Variants in SEMA3E observed in about 807,000 individuals in gnomAD.
SEMA3E encodes the protein semaphorin-3E.
In SEMA3E, 49 loss-of-function variants were observed where a neutral mutation model predicts 93.6. That is an observed-to-expected ratio of 0.52 (90% CI 0.42 to 0.66). The LOEUF (loss-of-function observed/expected upper bound fraction) is 0.66, where lower values mean the gene tolerates loss of function less well. Ranked by LOEUF, SEMA3E falls within the 30% of genes least tolerant of loss-of-function variation. The probability of loss-of-function intolerance (pLI) is 0.00; values close to 1 mark genes in which losing one functional copy is unlikely to be tolerated. For missense variants in SEMA3E, 906 were observed against 964.8 expected (o/e 0.94, Z 0.81); for synonymous variants, 363 against 330.7 (o/e 1.10, Z -1.06).
Position 83,386,692 on chromosome 7 carries a change from G to A in SEMA3E, c.1735+291C>T, listed in dbSNP as rs115949501. On this transcript the variant is annotated intron_variant, in intron 15 of 16. Coordinates refer to ENST00000643230, the MANE Select transcript of SEMA3E (RefSeq NM_012431.3). The stretch of plus-strand genomic sequence containing the variant: ...AAAGAGGTAAGTCATAAGAGTCACT[G>A]TGGCATCAACCACCTAAAGTATGCA... Among the ~76,000 whole-genome samples the A allele has an allele frequency of 9.2e-3, 1,405 of 152,274 alleles. 19 individuals are homozygous for A. The highest frequency in any genetic ancestry group is 0.032 in the African/African-American group (1,337 of 41,564).
At chr7:83,406,183 A>G in intron 7 of SEMA3E, 124 bp from the exon 8 acceptor site, 1 of 750,776 alleles carries the variant, frequency 1.3e-6, no homozygotes, top group Non-Finnish European at 2.4e-6. Context: ...AAAATTTGGC[A>G]TAATTCTCAA....
chr7:83,575,401 T>C (rs1792379167), intron 1 of SEMA3E, among the ~76,000 whole-genome samples: 1 of 151,892 alleles, frequency 6.6e-6, no homozygotes, highest in South Asian at 2.1e-4. Context: ...GATGAGGTAA[T>C]TTTTATCATG....
intron 16 of SEMA3E, among the ~76,000 whole-genome samples, chr7:83,384,866 T>C (rs532865731): frequency 6.6e-6 from 1 of 152,066 alleles, no homozygotes; most frequent in South Asian, 2.1e-4. Flanking sequence ...TGTGTTGTTA[T>C]TTTAATTCTG....
chr7:83,465,080 T>C (rs1052770006), intron 4 of SEMA3E, among the ~76,000 whole-genome samples: 2 of 151,780 alleles, frequency 1.3e-5, no homozygotes, highest in South Asian at 2.1e-4. Context: ...ACAAAAGAAG[T>C]GTAAATGGCT....
intron 1 of SEMA3E, among the ~76,000 whole-genome samples, chr7:83,639,293 C>G (rs1432643441): frequency 6.6e-6 from 1 of 151,832 alleles, no homozygotes; most frequent in African/African-American, 2.4e-5. Flanking sequence ...AGAAGCAGAG[C>G]AGAAGAAAAT....
intron 1 of SEMA3E, among the ~76,000 whole-genome samples, chr7:83,503,085 G>A (rs1220864590): frequency 1.3e-5 from 2 of 151,408 alleles, no homozygotes; most frequent in African/African-American, 4.9e-5. Flanking sequence ...TTGAAATAGG[G>A]CTTTCTTAAT....
intron 4 of SEMA3E, among the ~76,000 whole-genome samples, chr7:83,433,661 T>A (rs1788935079): frequency 6.6e-6 from 1 of 152,258 alleles, no homozygotes; most frequent in East Asian, 1.9e-4. Context: ...ACAAAAAAGC[T>A]TTCAGATTTT....
intron 4 of SEMA3E, among the ~76,000 whole-genome samples, chr7:83,420,077 T>C (rs911187836): frequency 2.0e-5 from 3 of 152,192 alleles, no homozygotes; most frequent in Non-Finnish European, 2.9e-5. Flanking sequence ...AACAGATAGA[T>C]GATTTCAATA....
At chr7:83,503,012 C>T (rs28664849) in intron 1 of SEMA3E, among the ~76,000 whole-genome samples, 82,963 of 131,008 alleles carry the variant, frequency 0.63, 23,740 homozygotes, top group South Asian at 0.72. Context: ...CTTTCTCTCT[C>T]TTTTTTTTTT....
At chr7:83,487,447 A>G (rs1410519114) in intron 2 of SEMA3E, among the ~76,000 whole-genome samples, 1 of 152,132 alleles carries the variant, frequency 6.6e-6, no homozygotes, top group Non-Finnish European at 1.5e-5. Context: ...TAATATTCAC[A>G]TATTAACAAT....
intron 1 of SEMA3E, among the ~76,000 whole-genome samples, chr7:83,499,929 C>T (rs1338474238): frequency 6.6e-6 from 1 of 152,092 alleles, no homozygotes; most frequent in Non-Finnish European, 1.5e-5. Flanking sequence ...TCAACAAAGT[C>T]CTATGCACTC....
At chr7:83,622,846 C>T (rs567119961) in intron 1 of SEMA3E, among the ~76,000 whole-genome samples, 3 of 151,486 alleles carry the variant, frequency 2.0e-5, no homozygotes, top group Admixed American at 1.3e-4. Context: ...GGAAGAGTTG[C>T]GAAGGGCATC....
chr7:83,501,708 T>A (rs540910140), intron 1 of SEMA3E, among the ~76,000 whole-genome samples: 60 of 152,212 alleles, frequency 3.9e-4, no homozygotes, highest in Non-Finnish European at 7.3e-4. Context: ...ACAGGTCTAA[T>A]GTAACTTGTT....
In SEMA3E at chr7:83,363,860, AT is replaced by A. The variant is rs56867715; in HGVS notation, c.*3725del. ...GGCTACAGGTGTCACAGGTCAATTC[AT>A]TTTTTTTTTTTTTTTTTTTTTTTTT... On this transcript the variant is annotated 3_prime_UTR_variant, in exon 17 of 17. Coordinates refer to ENST00000643230, the MANE Select transcript of SEMA3E (RefSeq NM_012431.3). 116 of 76,962 alleles carry A rather than the reference AT, an allele frequency of 1.5e-3. 9 individuals carry two copies. Among genetic ancestry groups the A allele is most frequent in the African/African-American group, 5.4e-3 (108 of 20,106 alleles). The allele number at this position is 76,962 out of a possible 1,614,324, so 4.8% of individuals were successfully genotyped here. A position where few individuals can be genotyped will look rare whatever the true frequency, so the allele number is the denominator to read the frequency against.
intron 1 of SEMA3E, among the ~76,000 whole-genome samples, chr7:83,556,523 G>T (rs920106106): frequency 6.6e-6 from 1 of 152,108 alleles, no homozygotes; most frequent in East Asian, 1.9e-4. Context: ...ACATTGAGGG[G>T]CCAGGGAACA....
Position 83,490,151 on chromosome 7 carries a change from G to A in SEMA3E, c.239C>T (p.Ser80Phe), listed in dbSNP as rs866977048. Residue 80 changes from serine (S) to phenylalanine (F), a missense_variant, in exon 2 of 17, where the codon TCC (serine) becomes TTC (phenylalanine). Transcript: ENST00000643230. ...LFVGGRDLVY[S>F]LSLERISDGY... ...GTCACTGATTCTCTCCAAGCTGAGG[G>A]AATATACAAGGTCCCTGCCTCCCAC... 1 of 1,612,834 alleles carries A rather than the reference G, an allele frequency of 6.2e-7. No individual in the cohort carries two copies. The highest frequency in any genetic ancestry group is 8.5e-7 in the Non-Finnish European group (1 of 1,179,368).
At chr7:83,566,510 T>C (rs1458979567) in intron 1 of SEMA3E, among the ~76,000 whole-genome samples, 2 of 152,184 alleles carry the variant, frequency 1.3e-5, no homozygotes, top group Admixed American at 6.5e-5. Context: ...TGACCTAATA[T>C]GGTATTTGGC....
At chr7:83,562,156 AATCTAAAAGC>A (rs1161187167) in intron 1 of SEMA3E, among the ~76,000 whole-genome samples, 2 of 152,180 alleles carry the variant, frequency 1.3e-5, no homozygotes, top group African/African-American at 4.8e-5. Context: ...TATTTTTTTA[AATCTAAAAGC>A]ACAGAGTTTT....
chr7:83,600,002 C>T (rs1167757439), intron 1 of SEMA3E, among the ~76,000 whole-genome samples: 1 of 152,138 alleles, frequency 6.6e-6, no homozygotes, highest in East Asian at 1.9e-4. Context: ...GAGTAATTAT[C>T]ATATTCCCAT....
Sources: allele counts gnomAD v4.1 joint callset (sites outside exome capture counted in the v4.1 genomes callset), GRCh38; gene constraint gnomAD v4.1.1; transcripts MANE v1.5; gene names NCBI Gene and HGNC (gene_info 2026-07-23, HGNC 2026-07-21).